The following MEOX2 variants were observed in gnomAD, a reference collection of about 807,000 sequenced individuals.
MEOX2 encodes homeobox protein MOX-2.
Under a neutral mutation model 27.0 loss-of-function variants are expected in MEOX2, and 11 were observed. The observed-to-expected ratio is 0.41, with a 90% CI of 0.26 to 0.68. The LOEUF is 0.68. Ranked by LOEUF, MEOX2 falls within the 30% of genes least tolerant of loss-of-function variation. The pLI is 0.33. For missense variants in MEOX2, 436 were observed against 385.4 expected (o/e 1.13, Z -1.10); for synonymous variants, 189 against 155.4 (o/e 1.22, Z -1.61).
At chr7:15,657,159 T>C (rs1034893382) in intron 1 of MEOX2, among the ~76,000 whole-genome samples, 2 of 152,140 alleles carry the variant, frequency 1.3e-5, no homozygotes, top group African/African-American at 2.4e-5. Flanking sequence ...CTGTGATGCG[T>C]TTAGTGTAAA....
intron 1 of MEOX2, among the ~76,000 whole-genome samples, chr7:15,669,774 G>T (rs535523439): frequency 6.6e-6 from 1 of 152,190 alleles, no homozygotes; most frequent in African/African-American, 2.4e-5. Context: ...TCCTCTAGTA[G>T]CTTCTGTTTC....
rs1782101058 is a variant in MEOX2, at chr7:15,671,789, G to T, written c.517+14097C>A. 2.0e-5 allele frequency among the ~76,000 whole-genome samples: 3 copies of T among 152,050 alleles called. No individual in the cohort carries two copies. The South Asian group carries it at 6.2e-4, about 31-fold the overall frequency. Reference sequence around the variant, plus strand: ...TGGTCAATTTGGGCTGGGCATGATGGCTCACACCTGTAATCCCAGTGCTTT... The same window carrying T: ...TGGTCAATTTGGGCTGGGCATGATGTCTCACACCTGTAATCCCAGTGCTTT... On this transcript the variant is annotated intron_variant, in intron 1 of 2. Transcript: ENST00000262041.
At chr7:15,643,873 T>G (rs1462729137) in intron 1 of MEOX2, among the ~76,000 whole-genome samples, 1 of 152,122 alleles carries the variant, frequency 6.6e-6, no homozygotes, top group Non-Finnish European at 1.5e-5. Context: ...AGACCAGCAG[T>G]TTTGTCCTCT....
At position 15,612,538 on chromosome 7, in the gene MEOX2, C is replaced by T. The variant is rs766976920; in HGVS notation, c.764G>A (p.Arg255Gln). 4 of 1,614,172 alleles carry T rather than the reference C, an allele frequency of 2.5e-6. No homozygotes were observed. The highest frequency in any genetic ancestry group is 3.4e-6 in the Non-Finnish European group (4 of 1,180,034). The change falls in exon 3 of 3, where the codon CGG (arginine) becomes CAG (glutamine). Residue 255 changes from arginine to glutamine, a missense_variant. By Grantham distance (43) the Arg-to-Gln change is conservative. Coordinates refer to ENST00000262041, the MANE Select transcript of MEOX2 (RefSeq NM_005924.5). Reference protein sequence around the residue: ...VKGGQQGAAAREKELVNVKKG... With the variant: ...VKGGQQGAAAQEKELVNVKKG... ...TTTCACATTCACCAGTTCCTTTTCC[C>T]GAGCCGCAGCTCCTTGCTGTCCACC...
At chr7:15,648,074 G>C (rs1449007576) in intron 1 of MEOX2, among the ~76,000 whole-genome samples, 1 of 151,952 alleles carries the variant, frequency 6.6e-6, no homozygotes, top group Non-Finnish European at 1.5e-5. Flanking sequence ...TAGTCCCATA[G>C]CATGCAAATA....
intron 2 of MEOX2, among the ~76,000 whole-genome samples, chr7:15,620,550 G>T (rs1224951806): frequency 1.3e-5 from 2 of 151,354 alleles, no homozygotes; most frequent in Middle Eastern, 3.4e-3. Flanking sequence ...TCCAGCCTGG[G>T]TGACAAACAA....
At chr7:15,665,041 T>TCACTCA (rs1781978768) in intron 1 of MEOX2, among the ~76,000 whole-genome samples, 1 of 141,222 alleles carries the variant, frequency 7.1e-6, no homozygotes, top group African/African-American at 2.7e-5. Flanking sequence ...TAAGTGGACA[T>TCACTCA]CACACACACA....
chr7:15,626,120 T>C (rs1781300850), intron 2 of MEOX2, among the ~76,000 whole-genome samples: 1 of 152,112 alleles, frequency 6.6e-6, no homozygotes, highest in Non-Finnish European at 1.5e-5. Flanking sequence ...AGAAGTGACA[T>C]GGCTAATTTC....
At chr7:15,684,252 A>AC (rs1782339708) in intron 1 of MEOX2, among the ~76,000 whole-genome samples, 1 of 152,200 alleles carries the variant, frequency 6.6e-6, no homozygotes, top group Non-Finnish European at 1.5e-5. Context: ...ATCAACCCGA[A>AC]CTGGGATCTG....
In MEOX2 at chr7:15,612,501, A is replaced by T; in HGVS notation, c.801T>A (p.Leu267=). 6.2e-7 allele frequency: 1 copy of T among 1,614,032 alleles called. No individual in the cohort carries two copies. The change falls in exon 3 of 3, where the codon CTT becomes CTA. Residue 267 remains leucine, a synonymous_variant. Coordinates refer to ENST00000262041, the MANE Select transcript of MEOX2 (RefSeq NM_005924.5). The stretch of plus-strand genomic sequence containing the variant: ...CAATTCCCGACAGCTCTGATGGGAG[A>T]AGTGTTCCCTTTTTCACATTCACCA... The part of the protein sequence containing the change: ...KELVNVKKGT[L]LPSELSGIGA...
chr7:15,633,568 A>G (rs1234298060), intron 1 of MEOX2, among the ~76,000 whole-genome samples: 1 of 152,056 alleles, frequency 6.6e-6, no homozygotes, highest in South Asian at 2.1e-4. Flanking sequence ...ACCCTTGGAC[A>G]TGCAACAGGA....
At chr7:15,659,758 C>CAAAAAAAAA (rs58319551) in intron 1 of MEOX2, among the ~76,000 whole-genome samples, 2 of 54,206 alleles carry the variant, frequency 3.7e-5, no homozygotes, top group African/African-American at 1.2e-4. Flanking sequence ...AGACTGCTCT[C>CAAAAAAAAA]AAAAAAAAAA....
intron 1 of MEOX2, among the ~76,000 whole-genome samples, chr7:15,653,885 G>A (rs1052942373): frequency 2.6e-5 from 4 of 151,850 alleles, no homozygotes; most frequent in Non-Finnish European, 4.4e-5. Flanking sequence ...GTTCAAAATC[G>A]TTTAGCTATT....
In MEOX2 at chr7:15,611,648, A is replaced by G. The variant is rs1781032993; in HGVS notation, c.*739T>C. On this transcript the variant is annotated 3_prime_UTR_variant, in exon 3 of 3. Transcript: ENST00000262041. Reference sequence around the variant, plus strand: ...TTTGTTTTGTCTGTGGTACAAGAATATGTCCTATCAGACTCTACTGTATTT... The same window carrying G: ...TTTGTTTTGTCTGTGGTACAAGAATGTGTCCTATCAGACTCTACTGTATTT... 1 of 152,746 alleles carries G rather than the reference A, an allele frequency of 6.5e-6. No individual in the cohort carries two copies. Among genetic ancestry groups the G allele is most frequent in the East Asian group, 1.9e-4 (1 of 5,176 alleles). 9.5% of individuals were successfully genotyped at this position (152,746 alleles called of 1,614,324 possible).
chr7:15,649,947 G>A (rs920357044), intron 1 of MEOX2, among the ~76,000 whole-genome samples: 2 of 152,038 alleles, frequency 1.3e-5, no homozygotes, highest in Admixed American at 6.6e-5. Flanking sequence ...ATTAAGCAGA[G>A]TGCTAGAACC....
chr7:15,626,163 C>G (rs951664163), intron 2 of MEOX2, among the ~76,000 whole-genome samples: 1 of 152,088 alleles, frequency 6.6e-6, no homozygotes, highest in South Asian at 2.1e-4. Context: ...AGTGCATAAA[C>G]TTCCAATTCT....
chr7:15,686,101 G>T lies in MEOX2; in HGVS notation c.302C>A (p.Pro101Gln). 1 of 1,585,708 alleles carries T rather than the reference G, an allele frequency of 6.3e-7. No individual in the cohort carries two copies. Among genetic ancestry groups the T allele is most frequent in the Non-Finnish European group, 8.6e-7 (1 of 1,167,202 alleles). ...NWHLPQMSSP[P>Q]SAARHSLCLQ... Reference sequence around the variant, plus strand: ...GCAGAGGCTGTGCCGAGCCGCACTCGGTGGGGAAGACATCTGCGGGAGGTG... The same window carrying T: ...GCAGAGGCTGTGCCGAGCCGCACTCTGTGGGGAAGACATCTGCGGGAGGTG... The change falls in exon 1 of 3, where the codon CCG (proline) becomes CAG (glutamine). Residue 101 changes from proline to glutamine, a missense_variant. Physicochemically the swap from Pro to Gln is moderately conservative, Grantham distance 76. Transcript: ENST00000262041.
chr7:15,643,109 G>T (rs761740772), intron 1 of MEOX2, among the ~76,000 whole-genome samples: 1 of 152,198 alleles, frequency 6.6e-6, no homozygotes, highest in Non-Finnish European at 1.5e-5. Flanking sequence ...AGAGCCAGTT[G>T]AGTTCCCTAC....
chr7:15,677,949 CA>C (rs1407151705), intron 1 of MEOX2, among the ~76,000 whole-genome samples: 1 of 152,114 alleles, frequency 6.6e-6, no homozygotes, highest in Admixed American at 6.6e-5. Context: ...ATAAATTATA[CA>C]GCTCTACTTC....
Sources: allele counts gnomAD v4.1 joint callset (sites outside exome capture counted in the v4.1 genomes callset), GRCh38; gene constraint gnomAD v4.1.1; transcripts MANE v1.5; gene names NCBI Gene and HGNC (gene_info 2026-07-23, HGNC 2026-07-21).